METAP2: variants seen among roughly 807,000 people sequenced by gnomAD.
The protein encoded by METAP2 is methionyl aminopeptidase 2, also known as methionine aminopeptidase 2.
A neutral mutation model predicts 59.4 loss-of-function variants in METAP2; 25 were observed. The ratio of observed to expected loss-of-function variants is 0.42; its 90% CI spans 0.31 to 0.59. The LOEUF (loss-of-function observed/expected upper bound fraction) is 0.59. Among genes scored for constraint, METAP2 ranks in the 20% least tolerant of loss-of-function variants. The pLI is 0.16. For synonymous variants in METAP2, 214 were observed against 194.1 expected (o/e 1.10, Z -0.85); for missense variants, 366 against 581.2 (o/e 0.63, Z 3.81).
chr12:95,510,540 T>C (rs1020445757), intron 8 of METAP2, among the ~76,000 whole-genome samples: 3 of 152,060 alleles, frequency 2.0e-5, no homozygotes, highest in Non-Finnish European at 4.4e-5. Context: ...TTGATGAGAG[T>C]GGTGCCTCCA....
intron 4 of METAP2, 132 bp downstream of exon 4, chr12:95,486,113 C>G (rs925905579): frequency 3.2e-6 from 2 of 621,586 alleles, no homozygotes; most frequent in Non-Finnish European, 5.4e-6. Context: ...AAAGAAGATA[C>G]AGTAGAAGCC....
intron 10 of METAP2, 102 bp from the exon 11 acceptor site, chr12:95,513,550 C>T (rs2076421108): frequency 1.5e-6 from 2 of 1,356,406 alleles, no homozygotes; most frequent in African/African-American, 2.9e-5. Context: ...AGTTTTTGGA[C>T]TTCAACTACT....
At chr12:95,497,160 T>G (rs1315155436) in intron 7 of METAP2, among the ~76,000 whole-genome samples, 2 of 152,166 alleles carry the variant, frequency 1.3e-5, no homozygotes, top group African/African-American at 4.8e-5. Context: ...ATTAAGTACA[T>G]TCATAATATT....
In METAP2 at chr12:95,494,109, C is replaced by G; in HGVS notation, c.482C>G (p.Ala161Gly). 1.2e-6 allele frequency: 2 copies of G among 1,613,918 alleles called. No individual in the cohort carries two copies. The highest frequency in any genetic ancestry group is 1.7e-6 in the Non-Finnish European group (2 of 1,179,916). The change falls in exon 5 of 11, where the codon GCA (alanine) becomes GGA (glycine). Residue 161 changes from alanine (A) to glycine (G), a missense_variant. Around this residue, in one of 4 missense-constraint regions of METAP2, gnomAD observed 106 missense variants for 221.9 expected, o/e 0.48. Coordinates refer to ENST00000323666, the MANE Select transcript of METAP2 (RefSeq NM_006838.4). ...GAAGAAAAGAAAGCATTAGATCAGG[C>G]AAGTGAAGAGATTTGGAATGATTTT... ...TSEEKKALDQ[A>G]SEEIWNDFRE...
intron 7 of METAP2, among the ~76,000 whole-genome samples, chr12:95,499,077 T>C (rs1387611317): frequency 6.6e-6 from 1 of 152,154 alleles, no homozygotes; most frequent in African/African-American, 2.4e-5. Flanking sequence ...GCTGTTCATT[T>C]TATTGTATTG....
intron 3 of METAP2, chr12:95,484,784 A>G: frequency 2.2e-6 from 1 of 446,746 alleles, no homozygotes; most frequent in Non-Finnish European, 4.4e-6. Context: ...TCTCAGAACC[A>G]TTGTGACCTG....
chr12:95,506,706 C>T (rs930121598), intron 8 of METAP2, among the ~76,000 whole-genome samples: 2 of 152,126 alleles, frequency 1.3e-5, no homozygotes, highest in African/African-American at 4.8e-5. Flanking sequence ...ATTCTTCTCT[C>T]ATCTATATCT....
intron 8 of METAP2, among the ~76,000 whole-genome samples, chr12:95,505,115 T>G (rs1323291804): frequency 1.3e-5 from 2 of 152,220 alleles, no homozygotes; most frequent in Non-Finnish European, 2.9e-5. Context: ...TCTGTCTCTC[T>G]TTGTAGACTG....
chr12:95,511,658 C>T (rs1055108913), intron 8 of METAP2, among the ~76,000 whole-genome samples: 10 of 152,156 alleles, frequency 6.6e-5, no homozygotes, highest in African/African-American at 2.4e-4. Flanking sequence ...TCCCAGAGTG[C>T]TGGGATTACA....
rs375003731 is a variant in METAP2, at chr12:95,483,226, G to A, written c.271G>A (p.Asp91Asn). 3.3e-5 allele frequency: 54 copies of A among 1,612,694 alleles called. No individual in the cohort carries two copies. Among genetic ancestry groups the A allele is most frequent in the East Asian group, 4.5e-5 (2 of 44,884 alleles). The change falls in exon 3 of 11, where the codon GAT becomes AAT. Residue 91 changes from aspartate (D) to asparagine (N), a missense_variant. Physicochemically the swap from Asp to Asn is conservative, Grantham distance 23. Transcript: ENST00000323666. ...RDEDDEDGDG[D>N]GDGATGKKKK... ...ATGTCTTTTCTTAGATGGAGATGGC[G>A]ATGGAGATGGAGCAACTGGAAAGAA...
intron 8 of METAP2, 94 bp from the exon 9 acceptor site, chr12:95,511,801 G>T: frequency 1.3e-6 from 1 of 783,368 alleles, no homozygotes; most frequent in Non-Finnish European, 2.0e-6. Context: ...CCTGGTTTTT[G>T]AATAAATGCT....
chr12:95,513,065 T>TA (rs1341353293), intron 10 of METAP2, 149 bp downstream of exon 10: 2 of 544,938 alleles, frequency 3.7e-6, no homozygotes, highest in African/African-American at 4.0e-5. Flanking sequence ...AATAGCCTGT[T>TA]AAACATTTTA....
intron 4 of METAP2, among the ~76,000 whole-genome samples, chr12:95,488,690 A>G (rs1393232664): frequency 6.6e-6 from 1 of 152,102 alleles, no homozygotes; most frequent in Non-Finnish European, 1.5e-5. Flanking sequence ...TGTCTATTAA[A>G]TAATCCCTCC....
Position 95,513,854 on chromosome 12 carries a change from C to G in METAP2, c.1387C>G (p.Leu463Val). 1.2e-6 allele frequency: 2 copies of G among 1,614,158 alleles called. No individual in the cohort carries two copies. Among genetic ancestry groups the G allele is most frequent in the Non-Finnish European group, 8.5e-7 (1 of 1,180,016 alleles). Residue 463 changes from leucine (L) to valine (V), a missense_variant, in exon 11 of 11, where the codon CTG (leucine) becomes GTG (valine). Leu to Val is a conservative substitution (Grantham distance 32, BLOSUM62 1). Coordinates refer to ENST00000323666, the MANE Select transcript of METAP2 (RefSeq NM_006838.4). ...TACAGCGCAATTTGAACATACCATCCTGTTGCGTCCAACATGTAAAGAAGT... is the reference window on the plus strand; with the variant it reads ...TACAGCGCAATTTGAACATACCATCGTGTTGCGTCCAACATGTAAAGAAGT... The part of the protein sequence containing the change: ...SYTAQFEHTI[L>V]LRPTCKEVVS...
chr12:95,494,963 G>C lies in METAP2; in HGVS notation c.597G>C (p.Lys199Asn). ...CTTTGCTTTTTTGTTTTAGTGAAAA[G>C]TTGGAAGACTGTTCACGCAAGTTAA... ...PGMTMIEICE[K>N]LEDCSRKLIK... The change falls in exon 6 of 11, where the codon AAG becomes AAC. Residue 199 changes from lysine (K) to asparagine (N), a missense_variant. Lys to Asn is a moderately conservative substitution (Grantham distance 94, BLOSUM62 0). This residue lies in a region of METAP2 where 106 missense variants were observed against 221.9 expected (regional missense o/e 0.48). Transcript: ENST00000323666. 6.2e-7 allele frequency: 1 copy of C among 1,611,756 alleles called. No individual in the cohort carries two copies. The highest frequency in any genetic ancestry group is 1.3e-5 in the African/African-American group (1 of 74,926).
chr12:95,504,348 G>A (rs371269989), intron 8 of METAP2, among the ~76,000 whole-genome samples, 187 bp downstream of exon 8: 1 of 152,162 alleles, frequency 6.6e-6, no homozygotes, highest in East Asian at 1.9e-4. Flanking sequence ...AAGCCACTCT[G>A]TTAGCTGATA....
intron 2 of METAP2, among the ~76,000 whole-genome samples, chr12:95,477,013 A>G (rs1022911524): frequency 6.6e-6 from 1 of 152,148 alleles, no homozygotes; most frequent in Non-Finnish European, 1.5e-5. Context: ...TAGTTACATG[A>G]TTTACCCAAA....
At chr12:95,499,024 A>C (rs1333332191) in intron 7 of METAP2, among the ~76,000 whole-genome samples, 1 of 152,136 alleles carries the variant, frequency 6.6e-6, no homozygotes, top group African/African-American at 2.4e-5. Flanking sequence ...CCAAAAAAAA[A>C]AAAAGAAATC....
chr12:95,487,297 C>T (rs1435833768), intron 4 of METAP2, among the ~76,000 whole-genome samples: 1 of 151,736 alleles, frequency 6.6e-6, no homozygotes, highest in African/African-American at 2.4e-5. Context: ...CTCTTGTTTT[C>T]TTGGCCTGTA....
Sources: allele counts gnomAD v4.1 joint callset (sites outside exome capture counted in the v4.1 genomes callset), GRCh38; gene constraint gnomAD v4.1.1; regional missense constraint gnomAD v4.1.1; transcripts MANE v1.5; gene names NCBI Gene and HGNC (gene_info 2026-07-23, HGNC 2026-07-21).